NAA15: variants seen among roughly 807,000 people sequenced by gnomAD.
The protein encoded by NAA15 is N-alpha-acetyltransferase 15, NatA auxiliary subunit.
Under a neutral mutation model 114.0 loss-of-function variants are expected in NAA15, and 34 were observed. The ratio of observed to expected loss-of-function variants is 0.30; its 90% CI spans 0.23 to 0.40. The LOEUF is 0.40. NAA15 is among the 10% of genes least tolerant of loss of function. NAA15 has a pLI of 1.00. For synonymous variants in NAA15, 340 were observed against 338.0 expected, an observed-to-expected ratio of 1.01 and a Z score of -0.06; for missense variants, 658 against 1,004.5, an observed-to-expected ratio of 0.66 and a Z score of 4.66.
intron 1 of NAA15, among the ~76,000 whole-genome samples, chr4:139,306,259 T>A (rs1454771898): frequency 1.3e-5 from 2 of 152,192 alleles, no homozygotes; most frequent in African/African-American, 4.8e-5. Context: ...GTTTGTTTTT[T>A]GAGACAGTTT....
chr4:139,365,080 C>T (rs1748240413), intron 14 of NAA15, among the ~76,000 whole-genome samples: 2 of 152,092 alleles, frequency 1.3e-5, no homozygotes, highest in South Asian at 4.1e-4. Flanking sequence ...TCTTTTCACC[C>T]AGGCTGGTGT....
chr4:139,304,105 A>G (rs1745920787), intron 1 of NAA15, among the ~76,000 whole-genome samples: 1 of 152,178 alleles, frequency 6.6e-6, no homozygotes, highest in African/African-American at 2.4e-5. Flanking sequence ...TTTTTAGTAG[A>G]GACGGGGTTT....
chr4:139,303,964 C>T lies in NAA15; in HGVS notation c.54+2133C>T, dbSNP rs184546301. The stretch of plus-strand genomic sequence containing the variant: ...ACGGAGTCTCGCTCTGTCGCCCAGG[C>T]TGGAATGCAGTGGCGCGATCTCGGC... On this transcript the variant is annotated intron_variant, in intron 1 of 19. Transcript: ENST00000296543. 9.2e-5 allele frequency among the ~76,000 whole-genome samples: 14 copies of T among 152,314 alleles called. No individual in the cohort carries two copies. The East Asian group carries it at 2.7e-3, about 29-fold the overall frequency.
intron 1 of NAA15, among the ~76,000 whole-genome samples, 197 bp from the exon 2 acceptor site, chr4:139,333,977 C>T (rs1031696517): frequency 3.9e-5 from 6 of 151,902 alleles, no homozygotes; most frequent in African/African-American, 1.5e-4. Flanking sequence ...TTGGACTTTA[C>T]TAATCTATAT....
At chr4:139,377,545 A>AT (rs1748624559) in intron 16 of NAA15, among the ~76,000 whole-genome samples, 1 of 152,122 alleles carries the variant, frequency 6.6e-6, no homozygotes, top group Non-Finnish European at 1.5e-5. Context: ...TCTCAAAAAA[A>AT]AAAAGGTCAT....
intron 4 of NAA15, among the ~76,000 whole-genome samples, chr4:139,342,538 C>T (rs2110914678): frequency 6.7e-6 from 1 of 148,632 alleles, no homozygotes; most frequent in East Asian, 2.0e-4. Context: ...CAACCTCTGC[C>T]TCCCGGGTTC....
At chr4:139,385,313 T>TATATATATATATTATATATATAC in intron 18 of NAA15, among the ~76,000 whole-genome samples, 1 of 134,282 alleles carries the variant, frequency 7.4e-6, no homozygotes, top group Non-Finnish European at 1.5e-5. Context: ...ATATATTATA[T>TATATATATATATTATATATATAC]ATATATGCGC....
chr4:139,364,281 T>C (rs922068706), intron 14 of NAA15, among the ~76,000 whole-genome samples: 1 of 152,172 alleles, frequency 6.6e-6, no homozygotes, highest in African/African-American at 2.4e-5. Context: ...TAATTTTTAA[T>C]ATTTAGTCTT....
chr4:139,314,998 C>CAGTTCAGTTTAGTTT lies in NAA15; in HGVS notation c.54+13171_54+13172insCAGTTTAGTTTAGTT, dbSNP rs1553992502. 1.9e-4 allele frequency among the ~76,000 whole-genome samples: 13 copies of CAGTTCAGTTTAGTTT among 66,692 alleles called. 1 individual carries two copies. The highest frequency in any genetic ancestry group is 7.5e-3 in the Middle Eastern group (1 of 134). 43.8% of individuals were successfully genotyped at this position (66,692 alleles called of 152,430 possible). On this transcript the variant is annotated intron_variant, in intron 1 of 19. Transcript: ENST00000296543. ...GCCTAGAGAAGCGTTCAGTTCAGTT[C>CAGTTCAGTTTAGTTT]AGTTTAGTTTAGGTTAGGTTAGGTT...
At chr4:139,328,708 C>A (rs1746891324) in intron 1 of NAA15, among the ~76,000 whole-genome samples, 1 of 150,206 alleles carries the variant, frequency 6.7e-6, no homozygotes, top group Admixed American at 6.6e-5. Flanking sequence ...GCTGGGACTA[C>A]AGGCACGTGC....
At chr4:139,311,825 G>T (rs1044485597) in intron 1 of NAA15, among the ~76,000 whole-genome samples, 1 of 151,826 alleles carries the variant, frequency 6.6e-6, no homozygotes. Context: ...AGAGCTGGGC[G>T]CAGGGGTGCA....
chr4:139,309,977 AAC>A (rs1471680000), intron 1 of NAA15, among the ~76,000 whole-genome samples: 1 of 152,150 alleles, frequency 6.6e-6, no homozygotes, highest in South Asian at 2.1e-4. Context: ...CTGGTTAATG[AAC>A]AGTTTCCAGA....
At chr4:139,346,498 A>G (rs1037624461) in intron 6 of NAA15, among the ~76,000 whole-genome samples, 21 of 152,198 alleles carry the variant, frequency 1.4e-4, no homozygotes, top group South Asian at 1.2e-3. Flanking sequence ...AAGATGGTCA[A>G]GATCACTCAG....
chr4:139,358,194 T>G (rs909340179), intron 11 of NAA15, among the ~76,000 whole-genome samples: 3 of 151,152 alleles, frequency 2.0e-5, no homozygotes, highest in Non-Finnish European at 2.9e-5. Flanking sequence ...TGTTTTTGTT[T>G]TTTTTTTTTT....
At chr4:139,334,010 C>T (rs1011523055) in intron 1 of NAA15, among the ~76,000 whole-genome samples, 164 bp from the exon 2 acceptor site, 8 of 151,720 alleles carry the variant, frequency 5.3e-5, no homozygotes, top group African/African-American at 1.9e-4. Flanking sequence ...TCTTTTACTT[C>T]CTGTATTTGA....
At chr4:139,381,764 C>T (rs1208439619) in intron 17 of NAA15, among the ~76,000 whole-genome samples, 1 of 152,074 alleles carries the variant, frequency 6.6e-6, no homozygotes, top group East Asian at 1.9e-4. Context: ...AAGAATCAGC[C>T]ACCTTTTCAT....
rs1745766846 is a variant in NAA15, at chr4:139,301,831, G to A, written c.54G>A (p.Leu18=). ...PKENALFKRI[L]RCYEHKQYRN... ...AGAATGCGCTCTTCAAGCGGATCTT[G>A]GTAAGTGTGAGGCTCCGGGCAAGCG... Residue 18 remains leucine (L), a splice_region_variant and synonymous_variant, in exon 1 of 20, where the codon TTG becomes TTA. Transcript: ENST00000296543. 1.9e-6 allele frequency: 3 copies of A among 1,592,698 alleles called. No individual in the cohort carries two copies. Among genetic ancestry groups the A allele is most frequent in the Admixed American group, 1.7e-5 (1 of 57,964 alleles).
chr4:139,340,807 A>T, intron 3 of NAA15, 105 bp from the exon 4 acceptor site: 2 of 835,460 alleles, frequency 2.4e-6, no homozygotes, highest in Non-Finnish European at 3.5e-6. Flanking sequence ...CCTTCTTTTT[A>T]AGCTTGTAGT....
chr4:139,346,968 G>T lies in NAA15; in HGVS notation c.692-2494G>T, dbSNP rs1747604365. Among the ~76,000 whole-genome samples, 7 of 152,010 alleles carry T rather than the reference G, an allele frequency of 4.6e-5. No individual in the cohort carries two copies. The South Asian group carries it at 1.2e-3, about 27-fold the overall frequency. On this transcript the variant is annotated intron_variant, in intron 6 of 19. Coordinates refer to ENST00000296543, the MANE Select transcript of NAA15 (RefSeq NM_057175.5). ...TTTTATTTTTTATTTTAGAGGTGAGGTCTTGCTGTGTTGCCTAGTCTGGAC... is the reference window on the plus strand; with the variant it reads ...TTTTATTTTTTATTTTAGAGGTGAGTTCTTGCTGTGTTGCCTAGTCTGGAC...
Sources: gnomAD v4.1 joint callset for allele counts (sites outside exome capture counted in the v4.1 genomes callset) on GRCh38, gnomAD v4.1.1 for gene constraint, MANE v1.5 for transcripts, NCBI Gene and HGNC (gene_info 2026-07-23, HGNC 2026-07-21) for gene names.